The following ITPR2 variants were observed in gnomAD, a reference collection of about 807,000 sequenced individuals.
The protein encoded by ITPR2 is inositol 1,4,5-trisphosphate receptor type 2, also known as inositol 1,4,5-trisphosphate-gated calcium channel ITPR2.
A neutral mutation model predicts 317.1 loss-of-function variants in ITPR2; 207 were observed. The observed-to-expected ratio is 0.65, with a 90% CI of 0.58 to 0.73. ITPR2 has a LOEUF of 0.73. Among genes scored for constraint, ITPR2 ranks in the 30% least tolerant of loss-of-function variants. The pLI, the probability that ITPR2 is intolerant of heterozygous loss-of-function variation, is 0.00. For synonymous variants in ITPR2, 1,156 were observed against 1,149.1 expected, an observed-to-expected ratio of 1.01 and a Z score of -0.12; for missense variants, 2,613 against 3,284.0, an observed-to-expected ratio of 0.80 and a Z score of 4.99.
At chr12:26,497,303 G>C (rs973740161) in intron 37 of ITPR2, among the ~76,000 whole-genome samples, 1 of 151,602 alleles carries the variant, frequency 6.6e-6, no homozygotes, top group African/African-American at 2.4e-5. Flanking sequence ...ACAGGTGCCC[G>C]CCACCACACC....
At chr12:26,488,288 G>A (rs965212153) in intron 39 of ITPR2, among the ~76,000 whole-genome samples, 2 of 152,002 alleles carry the variant, frequency 1.3e-5, no homozygotes, top group African/African-American at 4.8e-5. Context: ...GAAAACATAA[G>A]AAAAAATAAT....
Position 26,656,298 on chromosome 12 carries a change from C to G in ITPR2, c.2443G>C (p.Glu815Gln). Reference sequence around the variant, plus strand: ...CTCAAGACCTTTTTCCAAACATACTCATGAATTGTGATCTTTGTGGGGATT... The same window carrying G: ...CTCAAGACCTTTTTCCAAACATACTGATGAATTGTGATCTTTGTGGGGATT... The part of the protein sequence containing the change: ...TEIPTKITIH[E>Q]YDSITDSSRN... The change falls in exon 19 of 57, where the codon GAA (glutamate) becomes CAA (glutamine). Residue 815 changes from glutamate to glutamine, a missense_variant and splice_region_variant. Physicochemically the swap from Glu to Gln is conservative, Grantham distance 29. Around this residue, in one of 9 missense-constraint regions of ITPR2, gnomAD observed 817 missense variants for 897.6 expected, o/e 0.91. Transcript: ENST00000381340. The G allele has an allele frequency of 6.2e-7, 1 of 1,614,056 alleles. No homozygotes were observed. Among genetic ancestry groups the G allele is most frequent in the Non-Finnish European group, 8.5e-7 (1 of 1,179,970 alleles).
intron 21 of ITPR2, among the ~76,000 whole-genome samples, chr12:26,636,106 T>C (rs184104921): frequency 6.6e-6 from 1 of 152,344 alleles, no homozygotes; most frequent in East Asian, 1.9e-4. Flanking sequence ...TTTTATTCCA[T>C]GTGCCGAACC....
In ITPR2 at chr12:26,686,719, T is replaced by C. The variant is rs1948134391; in HGVS notation, c.997-87A>G. 6 of 1,150,694 alleles carry C rather than the reference T, an allele frequency of 5.2e-6. No homozygotes were observed. In the South Asian group the frequency reaches 6.5e-5, roughly 13 times the overall value. 71.3% of individuals were successfully genotyped at this position (1,150,694 alleles called of 1,614,324 possible). A position where few individuals can be genotyped will look rare whatever the true frequency, so the allele number is the denominator to read the frequency against. Reference sequence around the variant, plus strand: ...TCAGGTGATAAGGTTTAAATGTGCATGTTATTTCTTCCTTGGATTGAAGAG... The same window carrying C: ...TCAGGTGATAAGGTTTAAATGTGCACGTTATTTCTTCCTTGGATTGAAGAG... On this transcript the variant is annotated intron_variant, in intron 10 of 56. Transcript: ENST00000381340.
At chr12:26,500,862 A>C (rs530206723) in intron 37 of ITPR2, among the ~76,000 whole-genome samples, 8 of 152,346 alleles carry the variant, frequency 5.3e-5, no homozygotes, top group Admixed American at 2.6e-4. Context: ...TGTTTGCCTT[A>C]ATGGGGAGTT....
chr12:26,826,374 A>T (rs1008741012), intron 1 of ITPR2, among the ~76,000 whole-genome samples: 7 of 152,232 alleles, frequency 4.6e-5, no homozygotes, highest in Admixed American at 1.3e-4. Context: ...AATTTGAGGG[A>T]CTATAATTGG....
chr12:26,379,584 C>T (rs1389280512), intron 55 of ITPR2, among the ~76,000 whole-genome samples: 1 of 152,162 alleles, frequency 6.6e-6, no homozygotes, highest in Non-Finnish European at 1.5e-5. Context: ...ATAAGCCCTC[C>T]AAATACGCCC....
At chr12:26,755,012 T>C (rs1018429717) in intron 2 of ITPR2, among the ~76,000 whole-genome samples, 5 of 152,214 alleles carry the variant, frequency 3.3e-5, no homozygotes, top group African/African-American at 4.8e-5. Flanking sequence ...ACAGGAAGCA[T>C]TGTCAAATAT....
At chr12:26,787,653 G>C (rs1950278115) in intron 2 of ITPR2, among the ~76,000 whole-genome samples, 1 of 152,196 alleles carries the variant, frequency 6.6e-6, no homozygotes, top group Non-Finnish European at 1.5e-5. Flanking sequence ...GAGGAGTAAG[G>C]CTGCCCAGGC....
chr12:26,718,474 A>G (rs909822106), intron 5 of ITPR2, among the ~76,000 whole-genome samples: 1 of 151,428 alleles, frequency 6.6e-6, no homozygotes, highest in Admixed American at 6.6e-5. Flanking sequence ...GTCAATCCGT[A>G]TATTTACTTC....
At position 26,486,149 on chromosome 12, in the gene ITPR2, CA is replaced by C; in HGVS notation, c.5765del (p.Leu1922ArgfsTer19). On this transcript the variant is annotated frameshift_variant, in exon 41 of 57. Coordinates refer to ENST00000381340, the MANE Select transcript of ITPR2 (RefSeq NM_002223.4). LOFTEE classifies it high-confidence loss of function. ...TCTCACACAGTAACTGAAGAAATCT[CA>C]GTATTGGCTGCATGATGGCAATTGC... ...SPAIAIMQPI[L>X]RFLQLLCENH... The C allele has an allele frequency of 1.2e-6, 2 of 1,614,134 alleles. No homozygotes were observed. The highest frequency in any genetic ancestry group is 1.7e-6 in the Non-Finnish European group (2 of 1,179,996).
intron 37 of ITPR2, among the ~76,000 whole-genome samples, chr12:26,545,788 T>C (rs1254723296): frequency 6.6e-6 from 1 of 152,082 alleles, no homozygotes; most frequent in Non-Finnish European, 1.5e-5. Context: ...GCCATTTAGC[T>C]CCCCTCCACT....
intron 13 of ITPR2, among the ~76,000 whole-genome samples, chr12:26,680,678 A>T (rs1234606178): frequency 6.6e-6 from 1 of 152,224 alleles, no homozygotes. Context: ...TAGCCACGCC[A>T]TTGCACATAG....
chr12:26,565,866 G>C (rs1189952896), intron 34 of ITPR2, among the ~76,000 whole-genome samples: 2 of 60,256 alleles, frequency 3.3e-5, no homozygotes, highest in African/African-American at 1.2e-4. Flanking sequence ...GGAGAGGGGA[G>C]GGGAGGAGAG....
At chr12:26,346,186 G>A (rs898109934) in intron 55 of ITPR2, among the ~76,000 whole-genome samples, 3 of 152,170 alleles carry the variant, frequency 2.0e-5, no homozygotes, top group Non-Finnish European at 4.4e-5. Context: ...TCCCTTTAGG[G>A]CTCACACACC....
intron 55 of ITPR2, among the ~76,000 whole-genome samples, chr12:26,350,877 G>T (rs1172658987): frequency 6.6e-6 from 1 of 152,330 alleles, no homozygotes; most frequent in African/African-American, 2.4e-5. Context: ...ATAAGCCTTA[G>T]CTGTCTACAG....
intron 32 of ITPR2, among the ~76,000 whole-genome samples, chr12:26,585,046 A>G (rs962305282): frequency 6.6e-6 from 1 of 152,194 alleles, no homozygotes; most frequent in African/African-American, 2.4e-5. Context: ...CTTTTTTTAA[A>G]CAGACAACAT....
intron 37 of ITPR2, among the ~76,000 whole-genome samples, chr12:26,500,751 A>G (rs1419215788): frequency 6.6e-6 from 1 of 152,178 alleles, no homozygotes; most frequent in Non-Finnish European, 1.5e-5. Context: ...AAAAATTAAA[A>G]AGTTCAGAAA....
chr12:26,464,509 C>T (rs770952999), intron 45 of ITPR2, among the ~76,000 whole-genome samples: 5 of 152,190 alleles, frequency 3.3e-5, no homozygotes, highest in African/African-American at 9.6e-5. Context: ...TGTGTGGCCC[C>T]GTTCCTAACA....
Sources: allele counts gnomAD v4.1 joint callset (sites outside exome capture counted in the v4.1 genomes callset), GRCh38; gene constraint gnomAD v4.1.1; regional missense constraint gnomAD v4.1.1; transcripts MANE v1.5; gene names NCBI Gene and HGNC (gene_info 2026-07-23, HGNC 2026-07-21).